The following SLC44A5 variants were observed in gnomAD, a reference collection of about 807,000 sequenced individuals.
SLC44A5 encodes choline transporter-like protein 5.
A neutral mutation model predicts 101.8 loss-of-function variants in SLC44A5; 57 were observed. The observed-to-expected ratio is 0.56, with a 90% CI of 0.45 to 0.70. The LOEUF (loss-of-function observed/expected upper bound fraction) is 0.70, where lower values mean the gene tolerates loss of function less well. Ranked by LOEUF, SLC44A5 falls within the 30% of genes least tolerant of loss-of-function variation. The probability of loss-of-function intolerance (pLI) is 0.00; values close to 1 mark genes in which losing one functional copy is unlikely to be tolerated. For missense variants in SLC44A5, 737 were observed against 853.1 expected, an observed-to-expected ratio of 0.86 and a Z score of 1.70; for synonymous variants, 281 against 290.9, an observed-to-expected ratio of 0.97 and a Z score of 0.35.
chr1:75,703,843 A>G, the SLC44A5 span, among the ~76,000 whole-genome samples: 1 of 151,754 alleles, frequency 6.6e-6, no homozygotes. Context: ...ATAGTGTAGT[A>G]TTGTCTTTAC....
chr1:75,572,768 T>C (rs553394976), intron 1 of SLC44A5, among the ~76,000 whole-genome samples: 1 of 151,868 alleles, frequency 6.6e-6, no homozygotes, highest in Non-Finnish European at 1.5e-5. Flanking sequence ...TGATCATATG[T>C]GGAAAAAGAG....
At chr1:75,653,374 C>A in the SLC44A5 span, among the ~76,000 whole-genome samples, 3 of 152,018 alleles carry the variant, frequency 2.0e-5, no homozygotes, top group Admixed American at 2.0e-4. Context: ...CCCAGCTACT[C>A]GGGAGGCTGA....
chr1:75,721,627 A>G, the SLC44A5 span, among the ~76,000 whole-genome samples: 1 of 152,184 alleles, frequency 6.6e-6, no homozygotes, highest in Non-Finnish European at 1.5e-5. Context: ...ATCCTTATCC[A>G]ATGTTTAATC....
intron 22 of SLC44A5, 128 bp downstream of exon 22, chr1:75,213,577 G>A (rs1646901175): frequency 1.5e-6 from 1 of 689,162 alleles, no homozygotes; most frequent in Non-Finnish European, 2.5e-6. Context: ...AAATCAAGTT[G>A]GCTGACACCT....
chr1:75,429,379 A>T (rs1664484262), intron 2 of SLC44A5, among the ~76,000 whole-genome samples: 1 of 152,196 alleles, frequency 6.6e-6, no homozygotes, highest in Admixed American at 6.5e-5. Context: ...CAGGGTCAGT[A>T]TATCTGGATC....
intron 2 of SLC44A5, among the ~76,000 whole-genome samples, chr1:75,407,409 C>T (rs1176662589): frequency 6.6e-6 from 1 of 152,092 alleles, no homozygotes; most frequent in Non-Finnish European, 1.5e-5. Context: ...CCAAGACAAT[C>T]CTAAACAAAA....
intron 2 of SLC44A5, among the ~76,000 whole-genome samples, chr1:75,477,069 G>A (rs1456618882): frequency 1.4e-4 from 21 of 152,288 alleles, no homozygotes; most frequent in East Asian, 1.3e-3. Flanking sequence ...CCAGAGAAAC[G>A]ATCAGACAGC....
intron 3 of SLC44A5, among the ~76,000 whole-genome samples, chr1:75,358,811 T>G (rs1377115160): frequency 6.6e-6 from 1 of 152,210 alleles, no homozygotes; most frequent in Admixed American, 6.5e-5. Context: ...ATCAAGCTGA[T>G]AAACATATCC....
chr1:75,206,774 A>C, intron 23 of SLC44A5: 1 of 994,790 alleles, frequency 1.0e-6, no homozygotes, highest in Non-Finnish European at 1.5e-6. Flanking sequence ...ACAATTATAC[A>C]CATTTTTATA....
intron 5 of SLC44A5, among the ~76,000 whole-genome samples, chr1:75,287,426 CTTTTTTTTTTTTT>C (rs371647505): frequency 1.4e-5 from 1 of 69,910 alleles, no homozygotes; most frequent in Non-Finnish European, 2.5e-5. Context: ...CTTCTGAATT[CTTTTTTTTTTTTT>C]TTTTTTTTTT....
At chr1:75,676,022 T>C in the SLC44A5 span, among the ~76,000 whole-genome samples, 2 of 152,172 alleles carry the variant, frequency 1.3e-5, no homozygotes, top group Non-Finnish European at 2.9e-5. Flanking sequence ...CCAGTCAGAA[T>C]GGCAATTATT....
chr1:75,241,877 T>C lies in SLC44A5; in HGVS notation c.532+124A>G, dbSNP rs1275526786. On this transcript the variant is annotated intron_variant, in intron 9 of 23. Coordinates refer to ENST00000370859, the MANE Select transcript of SLC44A5 (RefSeq NM_001130058.2). ...TTTTGACTTTCCTGCTAATCAACTC[T>C]GGGACTTTAGGCAGTCAGAGGACCA... The C allele has an allele frequency of 6.8e-6, 5 of 736,410 alleles. No homozygotes were observed. The East Asian group carries it at 8.2e-5, about 12-fold the overall frequency. 45.6% of individuals were successfully genotyped at this position (736,410 alleles called of 1,614,324 possible). A position where few individuals can be genotyped will look rare whatever the true frequency, so the allele number is the denominator to read the frequency against.
At chr1:75,613,253 G>T (rs541158055), upstream of SLC44A5, among the ~76,000 whole-genome samples, 1 of 152,200 alleles carries the variant, frequency 6.6e-6, no homozygotes, top group East Asian at 1.9e-4. Flanking sequence ...GTTTTATCCA[G>T]CAAAGTTCAC....
At chr1:75,208,455 G>A (rs778190038) in intron 23 of SLC44A5, among the ~76,000 whole-genome samples, 11 of 152,104 alleles carry the variant, frequency 7.2e-5, no homozygotes, top group African/African-American at 1.4e-4. Flanking sequence ...CACCATGCCC[G>A]GCAAAACAAA....
At chr1:75,283,900 C>A (rs3904680) in intron 5 of SLC44A5, among the ~76,000 whole-genome samples, 1 of 152,202 alleles carries the variant, frequency 6.6e-6, no homozygotes, top group African/African-American at 2.4e-5. Flanking sequence ...TGACTATGGC[C>A]TTATAGTATA....
At chr1:75,705,001 T>A in the SLC44A5 span, among the ~76,000 whole-genome samples, 1 of 152,196 alleles carries the variant, frequency 6.6e-6, no homozygotes, top group Non-Finnish European at 1.5e-5. Context: ...ATAAACATGA[T>A]AATCATCTGG....
At chr1:75,292,600 G>A (rs1265701511) in intron 5 of SLC44A5, among the ~76,000 whole-genome samples, 1 of 152,148 alleles carries the variant, frequency 6.6e-6, no homozygotes, top group Non-Finnish European at 1.5e-5. Context: ...GATTGACAAT[G>A]GCACTGCAGC....
intron 6 of SLC44A5, among the ~76,000 whole-genome samples, chr1:75,266,399 T>A (rs987782733): frequency 1.3e-5 from 2 of 151,898 alleles, no homozygotes; most frequent in Middle Eastern, 6.8e-3. Context: ...TTACAAGCTA[T>A]GCTATGTTTA....
chr1:75,651,389 T>G, the SLC44A5 span, among the ~76,000 whole-genome samples: 22 of 152,318 alleles, frequency 1.4e-4, no homozygotes, highest in South Asian at 6.2e-4. Flanking sequence ...GTTCTAGGTC[T>G]ACTTCTCACC....
Sources: gnomAD v4.1 joint callset for allele counts (sites outside exome capture counted in the v4.1 genomes callset) on GRCh38, gnomAD v4.1.1 for gene constraint, MANE v1.5 for transcripts, NCBI Gene and HGNC (gene_info 2026-07-23, HGNC 2026-07-21) for gene names.